Variants in ACOXL observed in about 807,000 individuals in gnomAD.
ACOXL encodes acyl-CoA oxidase like.
In ACOXL, 70 loss-of-function variants were observed where a neutral mutation model predicts 71.9. That is an observed-to-expected ratio of 0.97 (90% CI 0.80 to 1.19). The LOEUF is 1.19. ACOXL is among the 50% of genes most tolerant of loss of function. The pLI, the probability that ACOXL is intolerant of heterozygous loss-of-function variation, is 0.00. For missense variants in ACOXL, 703 were observed against 736.3 expected, an observed-to-expected ratio of 0.95 and a Z score of 0.52; for synonymous variants, 253 against 281.6, an observed-to-expected ratio of 0.90 and a Z score of 1.02.
At chr2:111,069,561 G>A (rs2067241320) in intron 16 of ACOXL, among the ~76,000 whole-genome samples, 1 of 152,124 alleles carries the variant, frequency 6.6e-6, no homozygotes, top group Non-Finnish European at 1.5e-5. Flanking sequence ...ACCACTGGGG[G>A]TTGGGACTTA....
chr2:110,962,016 G>T (rs1173053106), intron 12 of ACOXL, among the ~76,000 whole-genome samples: 1 of 152,216 alleles, frequency 6.6e-6, no homozygotes, highest in African/African-American at 2.4e-5. Context: ...ACCATATCAG[G>T]TGGTATATTT....
intron 15 of ACOXL, among the ~76,000 whole-genome samples, chr2:111,043,675 G>T (rs770412830): frequency 1.3e-5 from 2 of 152,178 alleles, no homozygotes; most frequent in African/African-American, 4.8e-5. Flanking sequence ...GAGACGTGGG[G>T]CCCTCTACTT....
At chr2:110,996,569 A>T (rs4849327) in intron 14 of ACOXL, among the ~76,000 whole-genome samples, 122,680 of 152,078 alleles carry the variant, frequency 0.81, 49,859 homozygotes, top group Middle Eastern at 0.91. Context: ...CCGGCACAGA[A>T]TAGCCAATGG....
intron 1 of ACOXL, among the ~76,000 whole-genome samples, chr2:110,763,819 T>C (rs1680700521): frequency 6.6e-6 from 1 of 152,124 alleles, no homozygotes; most frequent in Admixed American, 6.5e-5. Flanking sequence ...TTATTCAGAA[T>C]ATACAAAGAA....
At chr2:110,851,248 A>G (rs1391909193) in intron 10 of ACOXL, among the ~76,000 whole-genome samples, 1 of 152,190 alleles carries the variant, frequency 6.6e-6, no homozygotes, top group African/African-American at 2.4e-5. Flanking sequence ...GGTGAATTTT[A>G]TTGTAATTAA....
At chr2:110,780,438 C>T (rs1683183632) in intron 2 of ACOXL, among the ~76,000 whole-genome samples, 1 of 152,138 alleles carries the variant, frequency 6.6e-6, no homozygotes, top group South Asian at 2.1e-4. Flanking sequence ...AGTTGCATTC[C>T]TAAGGATTTA....
intron 11 of ACOXL, among the ~76,000 whole-genome samples, chr2:110,915,342 A>ATATG (rs1364461324): frequency 7.8e-6 from 1 of 128,330 alleles, no homozygotes; most frequent in Non-Finnish European, 1.7e-5. Context: ...CATTTTATAT[A>ATATG]TATATATATG....
At chr2:111,016,647 C>G (rs965434605) in intron 14 of ACOXL, 5 of 152,462 alleles carry the variant, frequency 3.3e-5, no homozygotes, top group Admixed American at 3.3e-4. Context: ...CCATCCTGGG[C>G]CAGGCCCCGT....
At chr2:110,738,740 A>C (rs191408434) in intron 1 of ACOXL, among the ~76,000 whole-genome samples, 2 of 152,254 alleles carry the variant, frequency 1.3e-5, no homozygotes, top group Non-Finnish European at 2.9e-5. Flanking sequence ...ACTTGTGTTC[A>C]GTTATCTGTA....
At chr2:110,998,967 A>G (rs1325485362) in intron 14 of ACOXL, among the ~76,000 whole-genome samples, 1 of 152,258 alleles carries the variant, frequency 6.6e-6, no homozygotes, top group Non-Finnish European at 1.5e-5. Flanking sequence ...AAGATTTTCA[A>G]AAGTAAACAA....
intron 16 of ACOXL, among the ~76,000 whole-genome samples, chr2:111,077,912 T>C (rs10181102): frequency 0.3 from 45,940 of 152,076 alleles, 7,207 homozygotes; most frequent in East Asian, 0.44. Flanking sequence ...TTTATCCTGT[T>C]TGGGGTTCAC....
chr2:110,978,763 T>C (rs1407004962), intron 12 of ACOXL, among the ~76,000 whole-genome samples: 3 of 152,156 alleles, frequency 2.0e-5, no homozygotes, highest in Admixed American at 2.0e-4. Flanking sequence ...GAGAATTGTT[T>C]TTCTTTCAGA....
chr2:110,838,143 G>A (rs542176759), intron 9 of ACOXL, among the ~76,000 whole-genome samples: 5 of 152,316 alleles, frequency 3.3e-5, no homozygotes, highest in South Asian at 4.1e-4. Flanking sequence ...GGTGGTACAC[G>A]TGTGTGCATG....
At chr2:111,029,836 C>T (rs1418477746) in intron 14 of ACOXL, among the ~76,000 whole-genome samples, 1 of 152,210 alleles carries the variant, frequency 6.6e-6, no homozygotes, top group African/African-American at 2.4e-5. Flanking sequence ...GGGGCCTTTC[C>T]TCTTCACTTG....
chr2:110,828,648 T>C (rs1299492678), intron 9 of ACOXL, among the ~76,000 whole-genome samples: 2 of 152,170 alleles, frequency 1.3e-5, no homozygotes, highest in African/African-American at 4.8e-5. Context: ...AACAAGCCTG[T>C]GAGTAAGGAG....
At chr2:111,099,275 C>T (rs773712215) in intron 17 of ACOXL, 13 of 152,238 alleles carry the variant, frequency 8.5e-5, no homozygotes, top group Non-Finnish European at 1.6e-4. Context: ...TCCAATCCCC[C>T]ACAGTCCTTC....
chr2:110,924,140 A>G (rs2060183445), intron 11 of ACOXL, among the ~76,000 whole-genome samples: 1 of 152,208 alleles, frequency 6.6e-6, no homozygotes. Context: ...TCTAAAAAAT[A>G]TACATACGTC....
intron 17 of ACOXL, among the ~76,000 whole-genome samples, chr2:111,107,474 G>T (rs892485508): frequency 2.0e-5 from 3 of 151,940 alleles, no homozygotes; most frequent in Non-Finnish European, 2.9e-5. Flanking sequence ...GTTGTTGTTG[G>T]TTTTTTTGGT....
At chr2:111,050,834 A>T (rs1187114479) in intron 16 of ACOXL, among the ~76,000 whole-genome samples, 1 of 152,196 alleles carries the variant, frequency 6.6e-6, no homozygotes, top group Non-Finnish European at 1.5e-5. Context: ...CTTCACATCT[A>T]GAGTGAGAGG....
Sources: gnomAD v4.1 joint callset for allele counts (sites outside exome capture counted in the v4.1 genomes callset) on GRCh38, gnomAD v4.1.1 for gene constraint, MANE v1.5 for transcripts, NCBI Gene and HGNC (gene_info 2026-07-23, HGNC 2026-07-21) for gene names.